The following PRSS48 variants were observed in gnomAD, a reference collection of about 807,000 sequenced individuals.
The protein encoded by PRSS48 is serine protease 48, also known as epidermis-specific serine protease-like protein.
A neutral mutation model predicts 25.6 loss-of-function variants in PRSS48; 21 were observed. The ratio of observed to expected loss-of-function variants is 0.82; its 90% confidence interval spans 0.58 to 1.18. The LOEUF (loss-of-function observed/expected upper bound fraction) is 1.18, where lower values mean the gene tolerates loss of function less well. Ranked by LOEUF, PRSS48 falls within the 50% of genes most tolerant of loss-of-function variation. The probability of loss-of-function intolerance (pLI) is 0.00; values close to 1 mark genes in which losing one functional copy is unlikely to be tolerated. For synonymous variants in PRSS48, 150 were observed against 149.3 expected, an observed-to-expected ratio of 1.00 and a Z score of -0.04; for missense variants, 373 against 399.3, an observed-to-expected ratio of 0.93 and a Z score of 0.56.
chr4:151,279,060 C>T (rs938593780), intron 1 of PRSS48: 1 of 389,428 alleles, frequency 2.6e-6, no homozygotes, highest in Non-Finnish European at 4.9e-6. Context: ...TGTCAGTATC[C>T]ACCTCTCACT....
At chr4:151,291,800 T>A (rs1775357006), downstream of PRSS48, among the ~76,000 whole-genome samples, 1 of 152,062 alleles carries the variant, frequency 6.6e-6, no homozygotes, top group South Asian at 2.1e-4. Context: ...ATAATAAGGG[T>A]CTACCTCGTG....
chr4:151,291,066 T>G (rs1457047007), intron 4 of PRSS48, 52 bp from the exon 5 acceptor site: 3 of 1,402,220 alleles, frequency 2.1e-6, no homozygotes, highest in Non-Finnish European at 2.9e-6. Flanking sequence ...ATTACTACTC[T>G]CTTCTTTATG....
chr4:151,286,602 A>T (rs1298298223), intron 4 of PRSS48, among the ~76,000 whole-genome samples: 1 of 141,740 alleles, frequency 7.1e-6, no homozygotes. Context: ...TTTGTGATTA[A>T]AAAAAAAAAA....
At chr4:151,286,568 C>T (rs1774807037) in intron 4 of PRSS48, among the ~76,000 whole-genome samples, 1 of 148,712 alleles carries the variant, frequency 6.7e-6, no homozygotes, top group Non-Finnish European at 1.5e-5. Flanking sequence ...CTGAATAAAC[C>T]TAATAAAAAG....
At chr4:151,283,362 A>G (rs548342925) in intron 4 of PRSS48, 76 bp downstream of exon 4, 1 of 1,384,870 alleles carries the variant, frequency 7.2e-7, no homozygotes, top group East Asian at 2.3e-5. Context: ...ATCTGTAAAT[A>G]ACAGTGGATT....
At chr4:151,278,948 A>AT (rs1187507126) in intron 1 of PRSS48, 4 of 206,606 alleles carry the variant, frequency 1.9e-5, no homozygotes, top group Non-Finnish European at 4.0e-5. Flanking sequence ...TACCACTTTC[A>AT]TTTGTCTATT....
intron 4 of PRSS48, among the ~76,000 whole-genome samples, chr4:151,287,861 CAA>C (rs1356097903): frequency 6.6e-6 from 1 of 151,918 alleles, no homozygotes; most frequent in African/African-American, 2.4e-5. Flanking sequence ...GCCTGGGAGA[CAA>C]AGTGAGACCC....
intron 1 of PRSS48, 37 bp from the exon 2 acceptor site, chr4:151,279,759 C>G: frequency 6.2e-7 from 1 of 1,602,316 alleles, no homozygotes; most frequent in Non-Finnish European, 8.5e-7. Flanking sequence ...AACAGGACTC[C>G]TAGGTTTCCA....
chr4:151,279,836 C>G (rs1195225737), exon 2 of PRSS48: 11 of 1,613,262 alleles, frequency 6.8e-6, no homozygotes, highest in Non-Finnish European at 9.3e-6. Flanking sequence ...TTGTAGGTGG[C>G]CAGGATGCTG....
chr4:151,281,799 C>T (rs992345069), intron 2 of PRSS48, among the ~76,000 whole-genome samples: 6 of 151,892 alleles, frequency 4.0e-5, no homozygotes, highest in African/African-American at 1.5e-4. Flanking sequence ...GTCTAGTGCT[C>T]AGAACAGAAA....
chr4:151,279,846 G>A lies in PRSS48; in HGVS notation c.103G>A (p.Ala35Thr), dbSNP rs201900582. ...CCGCGTTGTAGGTGGCCAGGATGCT[G>A]CTGCAGGGCGCTGGCCTTGGCAGGT... The change falls in exon 2 of 5, where the codon GCT becomes ACT. Residue 35 changes from alanine to threonine, a missense_variant. Ala to Thr is a moderately conservative substitution (Grantham distance 58). Coordinates refer to ENST00000455694, the Ensembl canonical transcript of PRSS48. 1.7e-5 allele frequency: 27 copies of A among 1,606,194 alleles called. No individual in the cohort carries two copies. In the East Asian group the frequency reaches 4.9e-4, roughly 29 times the overall value.
chr4:151,281,470 G>A (rs1315369864), intron 2 of PRSS48, among the ~76,000 whole-genome samples: 1 of 152,062 alleles, frequency 6.6e-6, no homozygotes, highest in Non-Finnish European at 1.5e-5. Flanking sequence ...GGAGGTGGGG[G>A]GTAGACAGCG....
chr4:151,282,667 T>C (rs548623316), intron 3 of PRSS48, among the ~76,000 whole-genome samples: 126 of 152,294 alleles, frequency 8.3e-4, no homozygotes, highest in African/African-American at 2.6e-3. Context: ...CATAACTACC[T>C]CTCTCAAACA....
rs372546589 is a variant in PRSS48, at chr4:151,283,168, G to A, written c.533G>A (p.Arg178His). The change falls in exon 4 of 5, where the codon CGC becomes CAC. Residue 178 changes from arginine to histidine, a missense_variant. Arg to His is a conservative substitution (Grantham distance 29). Coordinates refer to ENST00000455694, the Ensembl canonical transcript of PRSS48. Reference sequence around the variant, plus strand: ...GAAGCAGAAGTACCCATTATTGACCGCCAGGCTTGTGAACAGCTCTACAAT... The same window carrying A: ...GAAGCAGAAGTACCCATTATTGACCACCAGGCTTGTGAACAGCTCTACAAT... The A allele has an allele frequency of 9.3e-5, 150 of 1,613,762 alleles. 1 individual carries two copies. The highest frequency in any genetic ancestry group is 1.1e-4 in the Non-Finnish European group (131 of 1,179,774).
intron 4 of PRSS48, among the ~76,000 whole-genome samples, chr4:151,290,707 GA>G (rs1307638731): frequency 6.6e-6 from 1 of 152,138 alleles, no homozygotes; most frequent in Admixed American, 6.5e-5. Context: ...AAAAAAGAAA[GA>G]GAACAAGACT....
At chr4:151,279,193 C>T in intron 1 of PRSS48, 2 of 291,888 alleles carry the variant, frequency 6.9e-6, no homozygotes, top group Non-Finnish European at 1.3e-5. Flanking sequence ...CACCAGCACA[C>T]TAGAGAAAGA....
intron 1 of PRSS48, among the ~76,000 whole-genome samples, 191 bp downstream of exon 1, chr4:151,277,415 A>C (rs187830615): frequency 2.0e-5 from 3 of 152,198 alleles, no homozygotes; most frequent in Admixed American, 1.3e-4. Flanking sequence ...GTACACACAC[A>C]CACCCACAAG....
chr4:151,291,683 A>T (rs1386514734), downstream of PRSS48, among the ~76,000 whole-genome samples: 1 of 152,192 alleles, frequency 6.6e-6, no homozygotes, highest in Non-Finnish European at 1.5e-5. Context: ...TATAAGACTA[A>T]TGTGTCTTCC....
intron 4 of PRSS48, among the ~76,000 whole-genome samples, chr4:151,290,655 G>T (rs1308853244): frequency 1.3e-5 from 2 of 152,138 alleles, no homozygotes; most frequent in Non-Finnish European, 2.9e-5. Context: ...AAAAACCACT[G>T]AATTGTGTAG....
Sources: allele counts gnomAD v4.1 joint callset (sites outside exome capture counted in the v4.1 genomes callset), GRCh38; gene constraint gnomAD v4.1.1; transcripts MANE v1.5; gene names NCBI Gene and HGNC (gene_info 2026-07-23, HGNC 2026-07-21).